The following ACAA2 variants were observed in gnomAD, a reference collection of about 807,000 sequenced individuals.
ACAA2 encodes 3-ketoacyl-CoA thiolase, mitochondrial.
In ACAA2, 35 loss-of-function variants were observed where a neutral mutation model predicts 44.8. The observed-to-expected ratio is 0.78, with a 90% CI of 0.60 to 1.04. ACAA2 has a LOEUF of 1.04. Ranked by LOEUF, ACAA2 falls within the 50% of genes least tolerant of loss-of-function variation. ACAA2 has a pLI of 0.00. For synonymous variants in ACAA2, 142 were observed against 166.5 expected (o/e 0.85, Z 1.13); for missense variants, 468 against 482.6 (o/e 0.97, Z 0.28).
chr18:49,800,070 T>A (rs1008688517), intron 2 of ACAA2, among the ~76,000 whole-genome samples: 5 of 149,808 alleles, frequency 3.3e-5, no homozygotes, highest in African/African-American at 9.9e-5. Context: ...AACCACGCCA[T>A]CCGGGAGGGA....
In ACAA2 at chr18:49,795,860, C is replaced by A; in HGVS notation, c.334G>T (p.Glu112Ter). The change falls in exon 4 of 10, where the codon GAA becomes TAA. Residue 112 changes from glutamate to a stop codon, truncating the protein, a stop_gained. Transcript: ENST00000285093. LOFTEE classifies it high-confidence loss of function. ...TCGGTTCCTCCACATAAAACAACTT[C>A]AGCTTCTTTAACACAAATTTCCTAT... ...GCQEICVKEA[E>*]VVLCGGTESM... 1 of 1,611,402 alleles carries A rather than the reference C, an allele frequency of 6.2e-7. No individual in the cohort carries two copies. The highest frequency in any genetic ancestry group is 8.5e-7 in the Non-Finnish European group (1 of 1,178,686).
At chr18:49,802,228 A>G (rs1216657906) in intron 2 of ACAA2, among the ~76,000 whole-genome samples, 1 of 152,242 alleles carries the variant, frequency 6.6e-6, no homozygotes, top group Admixed American at 6.5e-5. Flanking sequence ...CATGCTGTTG[A>G]TTCTGGAGTC....
chr18:49,807,212 T>A (rs1405858807), intron 1 of ACAA2, among the ~76,000 whole-genome samples: 1 of 151,944 alleles, frequency 6.6e-6, no homozygotes, highest in Non-Finnish European at 1.5e-5. Context: ...CTAGGCAACA[T>A]AGCGAGATCC....
chr18:49,808,060 T>C (rs1290172998), intron 1 of ACAA2, among the ~76,000 whole-genome samples: 1 of 149,906 alleles, frequency 6.7e-6, no homozygotes, highest in African/African-American at 2.4e-5. Flanking sequence ...CTAAAGAAGA[T>C]ATACAGATGG....
At chr18:49,785,645 C>G in intron 8 of ACAA2, 1 of 364,426 alleles carries the variant, frequency 2.7e-6, no homozygotes, top group Non-Finnish European at 4.9e-6. Flanking sequence ...GGTTTTAGAA[C>G]TGGATGGATG....
intron 2 of ACAA2, among the ~76,000 whole-genome samples, chr18:49,799,631 T>G (rs866999775): frequency 6.6e-6 from 1 of 151,344 alleles, no homozygotes; most frequent in African/African-American, 2.4e-5. Context: ...TCTGCCCGGC[T>G]GCCACCCCGT....
chr18:49,811,291 T>C (rs906147802), intron 1 of ACAA2: 5 of 152,134 alleles, frequency 3.3e-5, no homozygotes, highest in African/African-American at 1.2e-4. Flanking sequence ...TAGGTAAATA[T>C]TCACTTAGAG....
chr18:49,792,363 A>G (rs1415890154), intron 5 of ACAA2, 36 bp from the exon 6 acceptor site: 1 of 1,515,860 alleles, frequency 6.6e-7, no homozygotes, highest in Non-Finnish European at 9.0e-7. Context: ...TAAGAATAAA[A>G]GAGAGAAACA....
chr18:49,797,231 G>C (rs1188497624), intron 3 of ACAA2, among the ~76,000 whole-genome samples: 1 of 150,844 alleles, frequency 6.6e-6, no homozygotes, highest in Non-Finnish European at 1.5e-5. Context: ...GTCCTTTTAT[G>C]ACAGGCTTAT....
intron 2 of ACAA2, 64 bp from the exon 3 acceptor site, chr18:49,797,658 G>A (rs1193861100): frequency 3.2e-5 from 43 of 1,323,444 alleles, no homozygotes; most frequent in East Asian, 2.5e-4. Context: ...GAACAAGCAC[G>A]AAATACATGG....
At position 49,795,880 on chromosome 18, in the gene ACAA2, T is replaced by A; in HGVS notation, c.314A>T (p.Glu105Val). 1 of 1,602,428 alleles carries A rather than the reference T, an allele frequency of 6.2e-7. No individual in the cohort carries two copies. Among genetic ancestry groups the A allele is most frequent in the Non-Finnish European group, 8.5e-7 (1 of 1,172,788 alleles). ...GFQSIVNGCQ[E>V]ICVKEAEVVL... is the part of the protein sequence containing the mutation. ...AACTTCAGCTTCTTTAACACAAATT[T>A]CCTATTTAAAAACAAACAGTAATAA... The change falls in exon 4 of 10, where the codon GAA becomes GTA. Residue 105 changes from glutamate (E) to valine (V), a missense_variant and splice_region_variant. Transcript: ENST00000285093.
Position 49,792,326 on chromosome 18 carries a change from A to G in ACAA2, c.579T>C (p.Ala193=). 6.2e-7 allele frequency: 1 copy of G among 1,612,126 alleles called. No individual in the cohort carries two copies. Among genetic ancestry groups the G allele is most frequent in the South Asian group, 1.1e-5 (1 of 91,008 alleles). The change falls in exon 6 of 10, where the codon GCT becomes GCC. Residue 193 remains alanine, a splice_region_variant and synonymous_variant. Transcript: ENST00000285093. Reference sequence around the variant, plus strand: ...CATCATTAAAGTAGCCAGCATCATTAGCTGAAAAATAGTAGAGAGACTATC... The same window carrying G: ...CATCATTAAAGTAGCCAGCATCATTGGCTGAAAAATAGTAGAGAGACTATC... The part of the protein sequence containing the change: ...ALQSQQRWKA[A]NDAGYFNDEM...
At position 49,783,814 on chromosome 18, in the gene ACAA2, T is replaced by C; in HGVS notation, c.*33A>G. On this transcript the variant is annotated 3_prime_UTR_variant, in exon 10 of 10. Transcript: ENST00000285093. ...TTTACTGTGGCCTGGCCAAGTAGAGTAAGGATGGGTCACAGTGAGCTCACT... is the reference window on the plus strand; with the variant it reads ...TTTACTGTGGCCTGGCCAAGTAGAGCAAGGATGGGTCACAGTGAGCTCACT... 1.9e-6 allele frequency: 3 copies of C among 1,595,042 alleles called. No individual in the cohort carries two copies. The highest frequency in any genetic ancestry group is 2.6e-6 in the Non-Finnish European group (3 of 1,164,820).
Position 49,785,286 on chromosome 18 carries a change from T to A in ACAA2, c.1020A>T (p.Lys340Asn). The A allele has an allele frequency of 1.2e-6, 2 of 1,614,096 alleles. No homozygotes were observed. The highest frequency in any genetic ancestry group is 1.7e-6 in the Non-Finnish European group (2 of 1,179,968). The change falls in exon 9 of 10, where the codon AAA becomes AAT. Residue 340 changes from lysine to asparagine, a missense_variant. Transcript: ENST00000285093. The part of the protein sequence containing the change: ...VERSLDLDIS[K>N]TNVNGGAIAL... ...CAATGGCTCCTCCATTCACATTGGT[T>A]TTACTTATGTCAAGATCCAAACTCC...
At chr18:49,783,989 A>G (rs960529517) in intron 9 of ACAA2, 58 bp from the exon 10 acceptor site, 26 of 1,371,582 alleles carry the variant, frequency 1.9e-5, no homozygotes, top group Non-Finnish European at 2.5e-5. Context: ...TTAATGAAAT[A>G]GAACTAATAA....
intron 9 of ACAA2, among the ~76,000 whole-genome samples, 161 bp downstream of exon 9, chr18:49,785,036 G>C (rs998093448): frequency 6.6e-6 from 1 of 152,178 alleles, no homozygotes; most frequent in Non-Finnish European, 1.5e-5. Flanking sequence ...TCATCTATGA[G>C]ACCAGATGAA....
In ACAA2 at chr18:49,797,465, C is replaced by T. The variant is rs1322798382; in HGVS notation, c.312+1G>A. 6 of 1,604,746 alleles carry T rather than the reference C, an allele frequency of 3.7e-6. No homozygotes were observed. The Admixed American group carries it at 6.9e-5, about 18-fold the overall frequency. On this transcript the variant is annotated splice_donor_variant, in intron 3 of 9. Coordinates refer to ENST00000285093, the MANE Select transcript of ACAA2 (RefSeq NM_006111.3). LOFTEE classifies it high-confidence loss of function. ...AGAATTTAAAAAAATGTTGTCCATACCTGACATCCATTCACAATGGACTGA... is the reference window on the plus strand; with the variant it reads ...AGAATTTAAAAAAATGTTGTCCATATCTGACATCCATTCACAATGGACTGA...
At chr18:49,784,428 C>A (rs2023303203) in intron 9 of ACAA2, among the ~76,000 whole-genome samples, 1 of 152,156 alleles carries the variant, frequency 6.6e-6, no homozygotes, top group East Asian at 1.9e-4. Flanking sequence ...TAGAAACTAT[C>A]CATGTCCCTT....
At chr18:49,788,475 G>A (rs1207974082) in intron 7 of ACAA2, among the ~76,000 whole-genome samples, 1 of 152,148 alleles carries the variant, frequency 6.6e-6, no homozygotes, top group Non-Finnish European at 1.5e-5. Flanking sequence ...TCCAGTTAAT[G>A]CACTTCAATT....
Sources: gnomAD v4.1 joint callset for allele counts (sites outside exome capture counted in the v4.1 genomes callset) on GRCh38, gnomAD v4.1.1 for gene constraint, MANE v1.5 for transcripts, NCBI Gene and HGNC (gene_info 2026-07-23, HGNC 2026-07-21) for gene names.